Variants in PASK observed in about 807,000 individuals in gnomAD.
PASK encodes the protein PAS domain-containing serine/threonine-protein kinase.
In PASK, 110 loss-of-function variants were observed where a neutral mutation model predicts 121.0. The observed-to-expected ratio is 0.91, with a 90% CI of 0.78 to 1.06. The LOEUF (loss-of-function observed/expected upper bound fraction) is 1.06. Ranked by LOEUF, PASK falls within the 50% of genes least tolerant of loss-of-function variation. The pLI is 0.00. For missense variants in PASK, 1,643 were observed against 1,702.3 expected (o/e 0.97, Z 0.61); for synonymous variants, 686 against 717.8 (o/e 0.96, Z 0.71).
intron 14 of PASK, chr2:241,114,829 T>C: frequency 6.8e-7 from 1 of 1,467,686 alleles, no homozygotes; most frequent in Non-Finnish European, 9.0e-7. Context: ...TCCAGGACTG[T>C]ATCTGGCCTC....
chr2:241,132,782 T>G (rs947121424), intron 9 of PASK, 92 bp downstream of exon 9: 7 of 1,062,050 alleles, frequency 6.6e-6, no homozygotes, highest in Non-Finnish European at 1.0e-5. Flanking sequence ...CTATGAATAA[T>G]AGGCTGAACA....
intron 7 of PASK, 39 bp from the exon 8 acceptor site, chr2:241,136,078 T>A: frequency 1.3e-6 from 2 of 1,568,166 alleles, no homozygotes; most frequent in Non-Finnish European, 1.8e-6. Context: ...ACCTGGAGGA[T>A]CCACGCTGAC....
At chr2:241,133,055 G>C in intron 8 of PASK, 25 bp from the exon 9 acceptor site, 1 of 1,611,884 alleles carries the variant, frequency 6.2e-7, no homozygotes, top group Non-Finnish European at 8.5e-7. Context: ...AAAAAAGAGC[G>C]TTTGCTCTTC....
intron 1 of PASK, among the ~76,000 whole-genome samples, chr2:241,148,564 G>A (rs993339709): frequency 6.6e-6 from 1 of 152,168 alleles, no homozygotes; most frequent in Non-Finnish European, 1.5e-5. Flanking sequence ...GGGCCTGGAA[G>A]GGCCAAGCAT....
intron 12 of PASK, among the ~76,000 whole-genome samples, chr2:241,119,483 T>TG: frequency 6.6e-6 from 1 of 151,394 alleles, no homozygotes; most frequent in East Asian, 1.9e-4. Flanking sequence ...TTTTTTTTTT[T>TG]TTGGAGACAA....
intron 9 of PASK, among the ~76,000 whole-genome samples, chr2:241,132,527 T>TTAAAAAAAAAAAAAAAAAAAA (rs1486560170): frequency 2.5e-5 from 1 of 39,528 alleles, no homozygotes; most frequent in African/African-American, 1.0e-4. Flanking sequence ...AGACTCTGTC[T>TTAAAAAAAAAAAAAAAAAAAA]AAAAAAAAAA....
Position 241,138,099 on chromosome 2 carries a change from G to A in PASK, c.742-12C>T, listed in dbSNP as rs780208570. On this transcript the variant is annotated splice_polypyrimidine_tract_variant and intron_variant, in intron 5 of 17. Coordinates refer to ENST00000234040, the MANE Select transcript of PASK (RefSeq NM_015148.4). ...GACGTGACGGTGCCCTGGAGGAAAAGCCCCGTGCTTATCATAAAAGCTTCT... is the reference window on the plus strand; with the variant it reads ...GACGTGACGGTGCCCTGGAGGAAAAACCCCGTGCTTATCATAAAAGCTTCT... The A allele has an allele frequency of 6.2e-7, 1 of 1,613,756 alleles. No individual in the cohort carries two copies. Among genetic ancestry groups the A allele is most frequent in the Non-Finnish European group, 8.5e-7 (1 of 1,179,802 alleles).
At chr2:241,142,268 C>A (rs539179438) in intron 2 of PASK, among the ~76,000 whole-genome samples, 1 of 152,294 alleles carries the variant, frequency 6.6e-6, no homozygotes, top group East Asian at 1.9e-4. Flanking sequence ...CCAGGTCTAC[C>A]CCAACTTCAA....
In PASK at chr2:241,112,577, T is replaced by C. The variant is rs73112145; in HGVS notation, c.3334-138A>G. Reference sequence around the variant, plus strand: ...TAATGAACTGGGGACAGGAAAGATTTTTCAATGCTGAAGATATGATTGGAA... The same window carrying C: ...TAATGAACTGGGGACAGGAAAGATTCTTCAATGCTGAAGATATGATTGGAA... On this transcript the variant is annotated intron_variant, in intron 14 of 17. Coordinates refer to ENST00000234040, the MANE Select transcript of PASK (RefSeq NM_015148.4). The surrounding 1 kb of genome is among the most constrained non-coding windows in gnomAD (Gnocchi z 5.2). 1.0e-3 allele frequency: 633 copies of C among 630,160 alleles called. 2 individuals carry two copies. In the African/African-American group the frequency reaches 0.01, roughly 10 times the overall value. 39.0% of individuals were successfully genotyped at this position (630,160 alleles called of 1,614,324 possible). A position where few individuals can be genotyped will look rare whatever the true frequency, so the allele number is the denominator to read the frequency against.
At chr2:241,129,174 C>T (rs750267030) in intron 9 of PASK, among the ~76,000 whole-genome samples, 9 of 152,242 alleles carry the variant, frequency 5.9e-5, no homozygotes, top group Non-Finnish European at 1.0e-4. Context: ...ATGCACACCA[C>T]GAGGGTCTCA....
chr2:241,122,570 G>A lies in PASK; in HGVS notation c.3072+162C>T, dbSNP rs892772203. Among the ~76,000 whole-genome samples, 3 of 152,206 alleles carry A rather than the reference G, an allele frequency of 2.0e-5. No homozygotes were observed. The South Asian group carries it at 6.2e-4, about 31-fold the overall frequency. On this transcript the variant is annotated intron_variant, in intron 12 of 17. Coordinates refer to ENST00000234040, the MANE Select transcript of PASK (RefSeq NM_015148.4). ...TGGATGTCAACGTGTGTGCTGCTGG[G>A]AGAGCCTCTTTGAATCCGGAAACCG...
chr2:241,145,813 T>G (rs370603765), intron 1 of PASK: 1 of 151,806 alleles, frequency 6.6e-6, no homozygotes, highest in South Asian at 2.1e-4. Flanking sequence ...AGGTGGAGGT[T>G]GTAATGAGCC....
chr2:241,111,068 A>G (rs1356963689), intron 15 of PASK, among the ~76,000 whole-genome samples: 1 of 152,092 alleles, frequency 6.6e-6, no homozygotes, highest in African/African-American at 2.4e-5. Context: ...TGGAACCTGC[A>G]CCTCCTAATG....
In PASK at chr2:241,135,932, A is replaced by T; in HGVS notation, c.1245T>A (p.Ser415Arg). Reference sequence around the variant, plus strand: ...GGTCCAAGGTTCTCTCCCCACACCCACTCTCATTGCCGACGTCCAGGCAGC... The same window carrying T: ...GGTCCAAGGTTCTCTCCCCACACCCTCTCTCATTGCCGACGTCCAGGCAGC... ...LASCLDVGNE[S>R]GCGERTLDPW... The change falls in exon 8 of 18, where the codon AGT (serine) becomes AGA (arginine). Residue 415 changes from serine (S) to arginine (R), a missense_variant. By Grantham distance (110) the Ser-to-Arg change is moderately radical. This residue lies in a region of PASK where 1,176 missense variants were observed against 1,162.2 expected (regional missense o/e 1.01). Coordinates refer to ENST00000234040, the MANE Select transcript of PASK (RefSeq NM_015148.4). The T allele has an allele frequency of 6.2e-7, 1 of 1,613,632 alleles. No homozygotes were observed. The highest frequency in any genetic ancestry group is 8.5e-7 in the Non-Finnish European group (1 of 1,179,908).
chr2:241,140,002 G>C lies in PASK; in HGVS notation c.483C>G (p.Asp161Glu). Residue 161 changes from aspartate to glutamate, a missense_variant, in exon 4 of 18, where the codon GAC (aspartate) becomes GAG (glutamate). Physicochemically the swap from Asp to Glu is conservative, Grantham distance 45 (BLOSUM62 2). This residue lies in a region of PASK where 1,176 missense variants were observed against 1,162.2 expected (regional missense o/e 1.01). Transcript: ENST00000234040. ...ACTGCGTGAGCTTCTGGCCAATCAG[G>C]TCCTGGCTGCTGTACCCCAGGAGCC... is the stretch of plus-strand genomic sequence containing the variant. ...ACGLLGYSSQ[D>E]LIGQKLTQFF... The C allele has an allele frequency of 6.2e-7, 1 of 1,613,930 alleles. No homozygotes were observed. The highest frequency in any genetic ancestry group is 8.5e-7 in the Non-Finnish European group (1 of 1,179,780).
In PASK at chr2:241,123,319, G is replaced by GCGGACTACAGT. The variant is rs1349983986; in HGVS notation, c.2905-421_2905-420insACTGTAGTCCG. On this transcript the variant is annotated intron_variant, in intron 11 of 17. Transcript: ENST00000234040. ...GCCTCCCGAGTAGCTGGGACTACAGGCGCCCACCACTATGCCCGGCTAAAT... is the reference window on the plus strand; with the variant it reads ...GCCTCCCGAGTAGCTGGGACTACAGGCGGACTACAGTCGCCCACCACTATGCCCGGCTAAAT... Among the ~76,000 whole-genome samples, 3 of 152,134 alleles carry GCGGACTACAGT rather than the reference G, an allele frequency of 2.0e-5. No homozygotes were observed. In the East Asian group the frequency reaches 5.9e-4, roughly 30 times the overall value.
chr2:241,150,119 A>C (rs2067216367), upstream of PASK: 2 of 1,255,790 alleles, frequency 1.6e-6, no homozygotes, highest in East Asian at 7.4e-5. Context: ...CGGCCCCTCC[A>C]CGCCTCCGAG....
Position 241,138,685 on chromosome 2 carries a change from C to T in PASK, c.710G>A (p.Arg237Lys), listed in dbSNP as rs1337024634. Residue 237 changes from arginine to lysine, a missense_variant, in exon 5 of 18, where the codon AGG becomes AAG. Physicochemically the swap from Arg to Lys is conservative, Grantham distance 26 (BLOSUM62 2). Transcript: ENST00000234040. ...CTGGAAAGCGACCCAGGTCGAGACC[C>T]TCTCCACGGGCTCCAGGACCACCAC... ...CCVVVLEPVERVSTWVAFQSD... is the reference protein window; with the variant it reads ...CCVVVLEPVEKVSTWVAFQSD... 1.2e-6 allele frequency: 2 copies of T among 1,614,138 alleles called. No homozygotes were observed. The highest frequency in any genetic ancestry group is 1.7e-6 in the Non-Finnish European group (2 of 1,180,048).
At chr2:241,142,062 G>C (rs1220845419) in intron 2 of PASK, among the ~76,000 whole-genome samples, 1 of 152,112 alleles carries the variant, frequency 6.6e-6, no homozygotes, top group Non-Finnish European at 1.5e-5. Context: ...CAAGGGCGCT[G>C]TGTGCCTCCC....
Sources: allele counts gnomAD v4.1 joint callset (sites outside exome capture counted in the v4.1 genomes callset), GRCh38; gene constraint gnomAD v4.1.1; regional missense constraint gnomAD v4.1.1; non-coding constraint Gnocchi (gnomAD v3.1); transcripts MANE v1.5; gene names NCBI Gene and HGNC (gene_info 2026-07-23, HGNC 2026-07-21).